Variants in NIPA1 observed in about 807,000 individuals in gnomAD.
The protein encoded by NIPA1 is magnesium transporter NIPA1.
In NIPA1, 13 loss-of-function variants were observed where a neutral mutation model predicts 23.9. The observed-to-expected ratio is 0.54, with a 90% confidence interval of 0.35 to 0.87. The LOEUF is 0.87. NIPA1 is among the 40% of genes least tolerant of loss of function. NIPA1 has a pLI of 0.01. For synonymous variants in NIPA1, 234 were observed against 202.9 expected (o/e 1.15, Z -1.30); for missense variants, 362 against 429.7 (o/e 0.84, Z 1.39).
intron 1 of NIPA1, among the ~76,000 whole-genome samples, chr15:22,798,704 CG>C (rs1894996762): frequency 6.7e-6 from 1 of 149,660 alleles, no homozygotes; most frequent in South Asian, 2.1e-4. Flanking sequence ...AAAAATTAGT[CG>C]GGTGCCTGTA....
chr15:22,820,531 T>A lies in NIPA1; in HGVS notation c.478+58T>A. The A allele has an allele frequency of 5.4e-6, 7 of 1,284,948 alleles. 1 individual carries two copies. Among genetic ancestry groups the A allele is most frequent in the Non-Finnish European group, 5.7e-6 (5 of 879,834 alleles). The allele number at this position is 1,284,948 out of a possible 1,614,324, so 79.6% of individuals were successfully genotyped here. A position where few individuals can be genotyped will look rare whatever the true frequency, so the allele number is the denominator to read the frequency against. On this transcript the variant is annotated intron_variant, in intron 4 of 4. Transcript: ENST00000337435. ...TTTGCAGTAGGAGTGCCAACTTTTTTAACCACGTCTTCAAATTGGATGCTT... is the reference window on the plus strand; with the variant it reads ...TTTGCAGTAGGAGTGCCAACTTTTTAAACCACGTCTTCAAATTGGATGCTT...
intron 1 of NIPA1, among the ~76,000 whole-genome samples, chr15:22,808,387 C>G (rs567165001): frequency 6.6e-6 from 1 of 152,160 alleles, no homozygotes; most frequent in South Asian, 2.1e-4. Flanking sequence ...GACAGGAGCC[C>G]CAGTGGTGCC....
rs199860403 is a variant in NIPA1, at chr15:22,788,919, T to TAAAAAAAAAAA, written c.178+2093_178+2103dup. 1.5e-3 allele frequency among the ~76,000 whole-genome samples: 118 copies of TAAAAAAAAAAA among 78,796 alleles called. 2 individuals carry two copies. The highest frequency in any genetic ancestry group is 5.0e-3 in the African/African-American group (97 of 19,568). 51.7% of individuals were successfully genotyped at this position (78,796 alleles called of 152,430 possible). On this transcript the variant is annotated intron_variant, in intron 1 of 4. Coordinates refer to ENST00000337435, the MANE Select transcript of NIPA1 (RefSeq NM_144599.5). ...GAGCGAGAAGAACAAGGCTCTGTCT[T>TAAAAAAAAAAA]AAAAAAAAAAAAAAAAAAGATAAAT...
rs779693743 is a variant in NIPA1 at position 22,824,120 on chromosome 15, T to C, written c.871T>C (p.Phe291Leu). The C allele has an allele frequency of 8.7e-6, 14 of 1,614,092 alleles. No individual in the cohort carries two copies. Among genetic ancestry groups the C allele is most frequent in the Non-Finnish European group, 1.1e-5 (13 of 1,179,928 alleles). The change falls in exon 5 of 5, where the codon TTC becomes CTC. Residue 291 changes from phenylalanine (F) to leucine (L), a missense_variant. Around this residue, in one of 2 missense-constraint regions of NIPA1, gnomAD observed 277 missense variants for 372.0 expected, o/e 0.74. Transcript: ENST00000337435. The surrounding 1 kb of genome is among the most constrained non-coding windows in gnomAD (Gnocchi z 4.1). ...REWSNVGLVDFLGMACGFTTV... is the reference protein window; with the variant it reads ...REWSNVGLVDLLGMACGFTTV... Reference sequence around the variant, plus strand: ...GTGGAGCAACGTGGGCCTGGTGGACTTCTTGGGGATGGCCTGTGGATTCAC... The same window carrying C: ...GTGGAGCAACGTGGGCCTGGTGGACCTCTTGGGGATGGCCTGTGGATTCAC...
chr15:22,818,268 C>G (rs1299511864), intron 3 of NIPA1, among the ~76,000 whole-genome samples: 1 of 151,550 alleles, frequency 6.6e-6, no homozygotes, highest in Non-Finnish European at 1.5e-5. Context: ...AAAACTCCGT[C>G]TCTACTAAAT....
chr15:22,787,601 G>A (rs189274429), intron 1 of NIPA1, among the ~76,000 whole-genome samples: 111 of 152,326 alleles, frequency 7.3e-4, no homozygotes, highest in African/African-American at 2.6e-3. Flanking sequence ...AGTGTCGTTT[G>A]TGCTGGGAGG....
intron 4 of NIPA1, 82 bp from the exon 5 acceptor site, chr15:22,823,646 C>T: frequency 6.9e-7 from 1 of 1,452,158 alleles, no homozygotes; most frequent in East Asian, 2.5e-5. Context: ...CGGGTGGGGG[C>T]CCGGGTGCTG....
At chr15:22,822,978 G>A in intron 4 of NIPA1, among the ~76,000 whole-genome samples, 1 of 128,290 alleles carries the variant, frequency 7.8e-6, no homozygotes, top group South Asian at 2.7e-4. Context: ...GAGTGCAGTG[G>A]TGTGATCTCG....
rs761905589 is a variant in NIPA1, at chr15:22,823,789, G to A, written c.540G>A (p.Ala180=). Residue 180 remains alanine, a synonymous_variant, in exon 5 of 5, where the codon GCG becomes GCA. Coordinates refer to ENST00000337435, the MANE Select transcript of NIPA1 (RefSeq NM_144599.5). Reference sequence around the variant, plus strand: ...TGCTGCTGCTCATCTTCTGGATCGCGCCGGCCCATGGGCCCACCAACATCA... The same window carrying A: ...TGCTGCTGCTCATCTTCTGGATCGCACCGGCCCATGGGCCCACCAACATCA... ...LMLLLLIFWI[A]PAHGPTNIMV... 84 of 1,613,536 alleles carry A rather than the reference G, an allele frequency of 5.2e-5. No individual in the cohort carries two copies. In the South Asian group the frequency reaches 5.7e-4, roughly 11 times the overall value.
At chr15:22,809,190 C>G (rs1484496501) in intron 1 of NIPA1, among the ~76,000 whole-genome samples, 1 of 151,902 alleles carries the variant, frequency 6.6e-6, no homozygotes, top group Non-Finnish European at 1.5e-5. Context: ...AATTGAAGAC[C>G]AGCCTGGCCA....
At chr15:22,816,656 A>G (rs1446095181) in intron 3 of NIPA1, among the ~76,000 whole-genome samples, 1 of 150,134 alleles carries the variant, frequency 6.7e-6, no homozygotes, top group Non-Finnish European at 1.5e-5. Flanking sequence ...ACGCCCAGCT[A>G]ATTTTTGTAT....
chr15:22,822,828 CAA>C (rs778863557), intron 4 of NIPA1, among the ~76,000 whole-genome samples: 1 of 142,004 alleles, frequency 7.0e-6, no homozygotes, highest in Non-Finnish European at 1.5e-5. Context: ...AACTCCATCT[CAA>C]AAAAACAAAA....
intron 1 of NIPA1, among the ~76,000 whole-genome samples, chr15:22,795,605 C>A (rs1405747714): frequency 2.0e-5 from 3 of 152,166 alleles, no homozygotes; most frequent in Non-Finnish European, 4.4e-5. Flanking sequence ...GGAAGCCAGA[C>A]CCCTTCCATG....
intron 1 of NIPA1, among the ~76,000 whole-genome samples, chr15:22,803,430 T>G (rs1895130290): frequency 6.6e-6 from 1 of 151,744 alleles, no homozygotes; most frequent in Non-Finnish European, 1.5e-5. Flanking sequence ...TATATCTGGA[T>G]ACAAGTTTTT....
At chr15:22,820,884 G>A (rs1282927866) in intron 4 of NIPA1, among the ~76,000 whole-genome samples, 3 of 152,020 alleles carry the variant, frequency 2.0e-5, no homozygotes, top group Middle Eastern at 3.4e-3. Flanking sequence ...TCCCTCCAGC[G>A]TGAAGCTCTG....
intron 3 of NIPA1, among the ~76,000 whole-genome samples, chr15:22,816,995 C>T (rs1329093164): frequency 6.7e-6 from 1 of 150,338 alleles, no homozygotes; most frequent in East Asian, 2.0e-4. Context: ...ACCAGCCTGG[C>T]CAACATGGTG....
chr15:22,790,988 T>A (rs1354088933), intron 1 of NIPA1, among the ~76,000 whole-genome samples: 1 of 152,072 alleles, frequency 6.6e-6, no homozygotes, highest in African/African-American at 2.4e-5. Context: ...TTTTTTAAAT[T>A]TTTGGATGGA....
At chr15:22,790,159 A>T (rs374215077) in intron 1 of NIPA1, among the ~76,000 whole-genome samples, 1 of 152,152 alleles carries the variant, frequency 6.6e-6, no homozygotes, top group Admixed American at 6.5e-5. Context: ...AAGAGGGCCA[A>T]GCTGGCAACT....
At chr15:22,800,944 G>A (rs151264188) in intron 1 of NIPA1, among the ~76,000 whole-genome samples, 154 of 141,982 alleles carry the variant, frequency 1.1e-3, no homozygotes, top group Middle Eastern at 3.8e-3. Context: ...AAAAAAAAAA[G>A]AAAAAAAAAA....
Sources: gnomAD v4.1 joint callset for allele counts (sites outside exome capture counted in the v4.1 genomes callset) on GRCh38, gnomAD v4.1.1 for gene constraint, gnomAD v4.1.1 regional missense constraint, Gnocchi (gnomAD v3.1) non-coding constraint, MANE v1.5 for transcripts, NCBI Gene and HGNC (gene_info 2026-07-23, HGNC 2026-07-21) for gene names.